The following PAG1 variants were observed in gnomAD, a reference collection of about 807,000 sequenced individuals.
The protein encoded by PAG1 is phosphoprotein associated with glycosphingolipid-enriched microdomains 1.
A neutral mutation model predicts 31.7 loss-of-function variants in PAG1; 23 were observed. That is an observed-to-expected ratio of 0.73 (90% confidence interval 0.52 to 1.03). PAG1 has a LOEUF of 1.03. Ranked by LOEUF, PAG1 falls within the 50% of genes least tolerant of loss-of-function variation. The pLI is 0.00. For missense variants in PAG1, 473 were observed against 540.7 expected (o/e 0.87, Z 1.24); for synonymous variants, 214 against 210.3 (o/e 1.02, Z -0.15).
chr8:81,041,129 C>T (rs1430782076), intron 2 of PAG1, among the ~76,000 whole-genome samples: 1 of 152,138 alleles, frequency 6.6e-6, no homozygotes, highest in Non-Finnish European at 1.5e-5. Flanking sequence ...AAAAACACCC[C>T]TTGAATCTTA....
intron 5 of PAG1, among the ~76,000 whole-genome samples, chr8:80,987,993 T>C (rs542914352): frequency 6.6e-6 from 1 of 152,336 alleles, no homozygotes; most frequent in East Asian, 1.9e-4. Flanking sequence ...AAGCGCTCAA[T>C]AGCCACATGT....
rs975343100 is a variant in PAG1 at position 80,976,923 on chromosome 8, G to T, written c.937-17C>A. ...AGCTGAGATCTAGGAGACAAAGGGAGAGTTGAATAAACTTCCAGCTGTGAC... is the reference window on the plus strand; with the variant it reads ...AGCTGAGATCTAGGAGACAAAGGGATAGTTGAATAAACTTCCAGCTGTGAC... On this transcript the variant is annotated splice_polypyrimidine_tract_variant and intron_variant, in intron 8 of 8. Transcript: ENST00000220597. 2 of 1,579,290 alleles carry T rather than the reference G, an allele frequency of 1.3e-6. No individual in the cohort carries two copies. Among genetic ancestry groups the T allele is most frequent in the African/African-American group, 1.4e-5 (1 of 73,382 alleles).
chr8:81,065,255 C>A (rs1262618088), intron 2 of PAG1, among the ~76,000 whole-genome samples: 2 of 152,226 alleles, frequency 1.3e-5, no homozygotes, highest in Non-Finnish European at 2.9e-5. Context: ...AAAACTGGAA[C>A]AAACCTTATT....
intron 2 of PAG1, among the ~76,000 whole-genome samples, chr8:81,044,056 C>T (rs528655776): frequency 3.3e-5 from 5 of 152,178 alleles, no homozygotes; most frequent in Non-Finnish European, 7.3e-5. Flanking sequence ...AAGAGGTTCC[C>T]AACTACTCTT....
chr8:81,007,791 G>C (rs1005983647), intron 3 of PAG1, among the ~76,000 whole-genome samples: 1 of 152,194 alleles, frequency 6.6e-6, no homozygotes, highest in African/African-American at 2.4e-5. Flanking sequence ...ATTTCTGTGA[G>C]TGGCACCTCC....
Position 81,031,099 on chromosome 8 carries a change from C to T in PAG1, c.-174-1010G>A, listed in dbSNP as rs144092147. ...TTCTTTTGTTAGAACCACATATTAT[C>T]ATCTTAGACTGTGTGTTGCTTTCTC... On this transcript the variant is annotated intron_variant, in intron 2 of 8. Coordinates refer to ENST00000220597, the MANE Select transcript of PAG1 (RefSeq NM_018440.4). 1.5e-3 allele frequency among the ~76,000 whole-genome samples: 228 copies of T among 152,300 alleles called. 4 individuals are homozygous for T. In the East Asian group the frequency reaches 0.037, roughly 25 times the overall value.
At position 80,974,486 on chromosome 8, in the gene PAG1, T is replaced by C. The variant is rs1807144152; in HGVS notation, c.*2058A>G. 1 of 152,240 alleles carries C rather than the reference T, an allele frequency of 6.6e-6. No individual in the cohort carries two copies. Among genetic ancestry groups the C allele is most frequent in the African/African-American group, 2.4e-5 (1 of 41,458 alleles). The allele number at this position is 152,240 out of a possible 1,614,324, so 9.4% of individuals were successfully genotyped here. ...TCTGCTGTGATCTTCTAATCAGTGA[T>C]GATTGTGCTTATGCACACGACATCT... is the stretch of plus-strand genomic sequence containing the variant. On this transcript the variant is annotated 3_prime_UTR_variant, in exon 9 of 9. Transcript: ENST00000220597.
chr8:81,043,837 C>T (rs984417725), intron 2 of PAG1, among the ~76,000 whole-genome samples: 9 of 152,178 alleles, frequency 5.9e-5, no homozygotes, highest in African/African-American at 1.9e-4. Context: ...ATCCTTTGTT[C>T]TTCTGGATTT....
Position 81,087,018 on chromosome 8 carries a change from C to G in PAG1, c.-233-16848G>C, listed in dbSNP as rs979524380. On this transcript the variant is annotated intron_variant, in intron 1 of 8. Coordinates refer to ENST00000220597, the MANE Select transcript of PAG1 (RefSeq NM_018440.4). ...GTTTGCTGACCCCTACTCCATGGCC[C>G]ACAAGCTAAGAATTACTTTTACATT... 3.3e-5 allele frequency among the ~76,000 whole-genome samples: 5 copies of G among 152,044 alleles called. No individual in the cohort carries two copies. In the South Asian group the frequency reaches 1.0e-3, roughly 32 times the overall value.
chr8:81,035,730 T>G (rs1461021339), intron 2 of PAG1, among the ~76,000 whole-genome samples: 2 of 152,030 alleles, frequency 1.3e-5, no homozygotes, highest in Non-Finnish European at 2.9e-5. Context: ...AAGATCAAGC[T>G]CAAAGGCAAT....
At chr8:81,056,888 C>A (rs1397371810) in intron 2 of PAG1, among the ~76,000 whole-genome samples, 1 of 152,160 alleles carries the variant, frequency 6.6e-6, no homozygotes, top group African/African-American at 2.4e-5. Context: ...AAACAAACAA[C>A]CCCATCAAAA....
At chr8:81,097,760 C>T (rs1935433926) in intron 1 of PAG1, among the ~76,000 whole-genome samples, 3 of 151,498 alleles carry the variant, frequency 2.0e-5, no homozygotes, top group Non-Finnish European at 4.4e-5. Context: ...GTCCCTGGTA[C>T]ACGCTTCTGA....
At chr8:81,001,480 C>T (rs895262152) in intron 3 of PAG1, among the ~76,000 whole-genome samples, 1 of 152,266 alleles carries the variant, frequency 6.6e-6, no homozygotes, top group Non-Finnish European at 1.5e-5. Flanking sequence ...CCTGCTTGCC[C>T]GACCACCTGG....
intron 2 of PAG1, among the ~76,000 whole-genome samples, chr8:81,044,129 C>T (rs1432539818): frequency 6.6e-6 from 1 of 152,196 alleles, no homozygotes; most frequent in African/African-American, 2.4e-5. Flanking sequence ...CAAATATTAA[C>T]ACTTGACTTC....
intron 3 of PAG1, 56 bp from the exon 4 acceptor site, chr8:80,993,363 G>C (rs1586150928): frequency 6.8e-6 from 6 of 880,872 alleles, no homozygotes; most frequent in Non-Finnish European, 1.0e-5. Context: ...GGCAGAATCT[G>C]TAATTCGGTC....
chr8:81,063,550 G>A (rs1276483141), intron 2 of PAG1, among the ~76,000 whole-genome samples: 1 of 152,018 alleles, frequency 6.6e-6, no homozygotes, highest in African/African-American at 2.4e-5. Flanking sequence ...TTTTTTTTAA[G>A]TACTAGAACC....
chr8:81,046,551 T>C (rs1404000250), intron 2 of PAG1, among the ~76,000 whole-genome samples: 1 of 152,224 alleles, frequency 6.6e-6, no homozygotes, highest in Admixed American at 6.5e-5. Flanking sequence ...CATATTAAAA[T>C]GTTTTTCTTT....
intron 2 of PAG1, among the ~76,000 whole-genome samples, chr8:81,053,150 GAATAT>G (rs1808760414): frequency 6.6e-6 from 1 of 152,106 alleles, no homozygotes; most frequent in Non-Finnish European, 1.5e-5. Context: ...TGTATTATCT[GAATAT>G]ATTATTTGGA....
At chr8:81,025,801 C>A (rs2130762146) in intron 3 of PAG1, among the ~76,000 whole-genome samples, 1 of 152,336 alleles carries the variant, frequency 6.6e-6, no homozygotes, top group South Asian at 2.1e-4. Context: ...TCTAGAAGGA[C>A]AGGGATGACA....
Sources: gnomAD v4.1 joint callset for allele counts (sites outside exome capture counted in the v4.1 genomes callset) on GRCh38, gnomAD v4.1.1 for gene constraint, MANE v1.5 for transcripts, NCBI Gene and HGNC (gene_info 2026-07-23, HGNC 2026-07-21) for gene names.